The following RTN1 variants were observed in gnomAD, a reference collection of about 807,000 sequenced individuals.
The protein encoded by RTN1 is reticulon 1.
In RTN1, 25 loss-of-function variants were observed where a neutral mutation model predicts 65.5. That is an observed-to-expected ratio of 0.38 (90% CI 0.28 to 0.53). RTN1 has a LOEUF of 0.53. Among genes scored for constraint, RTN1 ranks in the 20% least tolerant of loss-of-function variants. The pLI, the probability that RTN1 is intolerant of heterozygous loss-of-function variation, is 0.79. For missense variants in RTN1, 983 were observed against 1,025.4 expected (o/e 0.96, Z 0.57); for synonymous variants, 471 against 447.6 (o/e 1.05, Z -0.66).
At chr14:59,750,234 A>AT (rs1885444391) in intron 1 of RTN1, among the ~76,000 whole-genome samples, 1 of 67,824 alleles carries the variant, frequency 1.5e-5, no homozygotes, top group African/African-American at 6.5e-5. Flanking sequence ...TCTATAATAT[A>AT]TATATTATAT....
At chr14:59,633,461 A>G (rs1032371121) in intron 3 of RTN1, among the ~76,000 whole-genome samples, 3 of 152,268 alleles carry the variant, frequency 2.0e-5, no homozygotes, top group African/African-American at 7.2e-5. Context: ...GTCATTATGA[A>G]ATAATAAGAA....
intron 5 of RTN1, 45 bp from the exon 6 acceptor site, chr14:59,603,966 C>A: frequency 6.8e-7 from 1 of 1,475,542 alleles, no homozygotes. Context: ...CCCTTCCTGA[C>A]AAGTTAGAGT....
chr14:59,867,513 C>A (rs971238563), intron 1 of RTN1, among the ~76,000 whole-genome samples: 1 of 152,072 alleles, frequency 6.6e-6, no homozygotes, highest in African/African-American at 2.4e-5. Flanking sequence ...AATGAGAACA[C>A]CTGAAAATAG....
At chr14:59,611,110 G>C (rs11621532) in intron 3 of RTN1, among the ~76,000 whole-genome samples, 1 of 152,130 alleles carries the variant, frequency 6.6e-6, no homozygotes, top group Non-Finnish European at 1.5e-5. Context: ...AGCCGGCTCT[G>C]TGTGAAGTAC....
At chr14:59,619,403 A>G (rs905517092) in intron 3 of RTN1, among the ~76,000 whole-genome samples, 1 of 152,164 alleles carries the variant, frequency 6.6e-6, no homozygotes, top group Admixed American at 6.6e-5. Flanking sequence ...ACACATTACT[A>G]AGTGTTTTAA....
At chr14:59,620,952 C>T (rs982723621) in intron 3 of RTN1, among the ~76,000 whole-genome samples, 1 of 152,158 alleles carries the variant, frequency 6.6e-6, no homozygotes, top group Admixed American at 6.5e-5. Context: ...GGGAGAGTGG[C>T]AATGGCCATG....
chr14:59,746,475 G>T lies in RTN1; in HGVS notation c.248C>A (p.Ala83Glu). The T allele has an allele frequency of 6.3e-7, 1 of 1,579,442 alleles. No homozygotes were observed. Among genetic ancestry groups the T allele is most frequent in the Non-Finnish European group, 8.6e-7 (1 of 1,164,660 alleles). The change falls in exon 2 of 9, where the codon GCA (alanine) becomes GAA (glutamate). Residue 83 changes from alanine (A) to glutamate (E), a missense_variant. Ala to Glu is a moderately radical substitution (Grantham distance 107, BLOSUM62 -1). This residue lies in a region of RTN1 where 818 missense variants were observed against 801.8 expected (regional missense o/e 1.02). Coordinates refer to ENST00000267484, the MANE Select transcript of RTN1 (RefSeq NM_021136.3). Reference protein sequence around the residue: ...VAMETASTGVAGVSSAMDHTF... With the variant: ...VAMETASTGVEGVSSAMDHTF... ...GTGGTCCATGGCACTGGAAACACCT[G>T]CCACACCTATGAATCAAAGCAGCAG...
Position 59,774,267 on chromosome 14 carries a change from T to C in RTN1, c.242-27786A>G, listed in dbSNP as rs1210493425. On this transcript the variant is annotated intron_variant, in intron 1 of 8. Transcript: ENST00000267484. The surrounding 1 kb of genome is among the most constrained non-coding windows in gnomAD (Gnocchi z 5.1). ...ACTGACTGTTTAACATGCTGAGTTT[T>C]TGTCCCCAAAACATTCTGCATTCCA... 6.6e-6 allele frequency among the ~76,000 whole-genome samples: 1 copy of C among 152,192 alleles called. No individual in the cohort carries two copies. The highest frequency in any genetic ancestry group is 1.5e-5 in the Non-Finnish European group (1 of 68,034).
intron 4 of RTN1, among the ~76,000 whole-genome samples, chr14:59,606,962 C>T (rs1881778858): frequency 6.6e-6 from 1 of 152,308 alleles, no homozygotes. Flanking sequence ...TCAGTGTTCC[C>T]ACCTGTAAAT....
chr14:59,811,176 G>A (rs1288395973), intron 1 of RTN1, among the ~76,000 whole-genome samples: 1 of 152,144 alleles, frequency 6.6e-6, no homozygotes, highest in Non-Finnish European at 1.5e-5. Flanking sequence ...TAAAATTGCA[G>A]TCTATGGATA....
At chr14:59,676,068 G>A (rs1325764410) in intron 3 of RTN1, among the ~76,000 whole-genome samples, 2 of 152,092 alleles carry the variant, frequency 1.3e-5, no homozygotes, top group Admixed American at 1.3e-4. Context: ...TGCTTCATGA[G>A]GGGAGGTTCA....
At chr14:59,624,290 G>T (rs560022033) in intron 3 of RTN1, among the ~76,000 whole-genome samples, 7 of 152,160 alleles carry the variant, frequency 4.6e-5, no homozygotes, top group African/African-American at 1.7e-4. Flanking sequence ...TGAAATATAT[G>T]CTGTAAGTTT....
At chr14:59,861,372 G>T (rs544321993) in intron 1 of RTN1, among the ~76,000 whole-genome samples, 1 of 152,236 alleles carries the variant, frequency 6.6e-6, no homozygotes, top group East Asian at 1.9e-4. Context: ...TGATTGTGAG[G>T]CCTCTCCAAC....
chr14:59,864,581 G>A (rs1206897205), intron 1 of RTN1, among the ~76,000 whole-genome samples: 1 of 151,710 alleles, frequency 6.6e-6, no homozygotes, highest in Non-Finnish European at 1.5e-5. Flanking sequence ...ATGGATGAGA[G>A]GCTTTTATCT....
intron 1 of RTN1, among the ~76,000 whole-genome samples, chr14:59,842,097 G>T (rs895572290): frequency 6.6e-6 from 1 of 151,596 alleles, no homozygotes; most frequent in Non-Finnish European, 1.5e-5. Context: ...CTGCACTCCA[G>T]CCTGGGTGAA....
chr14:59,769,782 C>T (rs1429777312), intron 1 of RTN1, among the ~76,000 whole-genome samples: 1 of 152,070 alleles, frequency 6.6e-6, no homozygotes, highest in African/African-American at 2.4e-5. Flanking sequence ...AGTACATTGT[C>T]GACAGCTGTG....
intron 3 of RTN1, among the ~76,000 whole-genome samples, chr14:59,679,842 A>G (rs190080824): frequency 1.4e-4 from 21 of 152,308 alleles, no homozygotes; most frequent in Admixed American, 7.2e-4. Context: ...TCCATACAGA[A>G]CAATTTGAAC....
intron 3 of RTN1, among the ~76,000 whole-genome samples, chr14:59,660,273 T>A (rs1275345062): frequency 6.6e-6 from 1 of 152,100 alleles, no homozygotes; most frequent in African/African-American, 2.4e-5. Context: ...AGACTTAGAC[T>A]CCCACACAAT....
intron 1 of RTN1, among the ~76,000 whole-genome samples, chr14:59,796,396 T>C (rs1416240080): frequency 6.6e-6 from 1 of 152,222 alleles, no homozygotes; most frequent in Non-Finnish European, 1.5e-5. Context: ...TCTTGTGTTA[T>C]AAGCTATGTA....
Sources: gnomAD v4.1 joint callset for allele counts (sites outside exome capture counted in the v4.1 genomes callset) on GRCh38, gnomAD v4.1.1 for gene constraint, gnomAD v4.1.1 regional missense constraint, Gnocchi (gnomAD v3.1) non-coding constraint, MANE v1.5 for transcripts, NCBI Gene and HGNC (gene_info 2026-07-23, HGNC 2026-07-21) for gene names.